Variants in MITF observed in about 807,000 individuals in gnomAD.
MITF encodes the protein microphthalmia-associated transcription factor.
MITF carries 17 observed loss-of-function variants against 60.5 expected under a neutral mutation model. That is an observed-to-expected ratio of 0.28 (90% CI 0.19 to 0.42). The LOEUF (loss-of-function observed/expected upper bound fraction) is 0.42. MITF is among the 10% of genes least tolerant of loss of function. MITF has a pLI of 1.00. For missense variants in MITF, 622 were observed against 683.5 expected (o/e 0.91, Z 1.00); for synonymous variants, 260 against 248.5 (o/e 1.05, Z -0.43).
intron 9 of MITF, among the ~76,000 whole-genome samples, chr3:69,963,365 C>T (rs1439217429): frequency 1.3e-5 from 2 of 152,176 alleles, no homozygotes; most frequent in African/African-American, 2.4e-5. Context: ...CTTTTGCTAT[C>T]ACTACCCAAA....
At chr3:69,831,318 A>T (rs9819504) in intron 1 of MITF, among the ~76,000 whole-genome samples, 2 of 151,888 alleles carry the variant, frequency 1.3e-5, no homozygotes, top group Non-Finnish European at 2.9e-5. Flanking sequence ...AAAATCCTCG[A>T]CAGGGTTAAG....
At chr3:69,797,270 C>A (rs536835949) in intron 1 of MITF, among the ~76,000 whole-genome samples, 2 of 151,836 alleles carry the variant, frequency 1.3e-5, no homozygotes, top group African/African-American at 2.4e-5. Flanking sequence ...AGTTTTTTAA[C>A]CTGTGTTCTC....
At chr3:69,881,057 A>G (rs1487193644) in intron 2 of MITF, among the ~76,000 whole-genome samples, 2 of 152,072 alleles carry the variant, frequency 1.3e-5, no homozygotes, top group Non-Finnish European at 2.9e-5. Flanking sequence ...TGCTTTTGTC[A>G]CTGTAAATAT....
At chr3:69,749,973 T>G (rs923645861) in intron 1 of MITF, among the ~76,000 whole-genome samples, 2 of 152,206 alleles carry the variant, frequency 1.3e-5, no homozygotes, top group Non-Finnish European at 2.9e-5. Flanking sequence ...AAATTGTTGA[T>G]TCAGCAGTGA....
In MITF at chr3:69,967,865, C is replaced by G. The variant is rs2066729032; in HGVS notation, c.*2617C>G. The G allele has an allele frequency of 4.3e-6, 1 of 233,214 alleles. No homozygotes were observed. Among genetic ancestry groups the G allele is most frequent in the African/African-American group, 2.2e-5 (1 of 45,314 alleles). The allele number at this position is 233,214 out of a possible 1,614,324, so 14.4% of individuals were successfully genotyped here. A position where few individuals can be genotyped will look rare whatever the true frequency, so the allele number is the denominator to read the frequency against. On this transcript the variant is annotated 3_prime_UTR_variant, in exon 10 of 10. Coordinates refer to ENST00000352241, the MANE Select transcript of MITF (RefSeq NM_001354604.2). ...GCAGAATTGTAACTCGGGGTTGGGC[C>G]TCTATATGGAGTGACCAAAATGCCA...
At position 69,943,912 on chromosome 3, in the gene MITF, G is replaced by T. The variant is rs558027027; in HGVS notation, c.762+2581G>T. 2.0e-5 allele frequency among the ~76,000 whole-genome samples: 3 copies of T among 152,134 alleles called. No homozygotes were observed. In the South Asian group the frequency reaches 6.2e-4, roughly 32 times the overall value. On this transcript the variant is annotated intron_variant, in intron 5 of 9. Transcript: ENST00000352241. ...TGGAGATCAGCCTAGGCAACTTAGA[G>T]AGAATCCGTCTCTGTAAAAATGTAA...
At chr3:69,861,216 ATCCT>A (rs1011708174) in intron 1 of MITF, among the ~76,000 whole-genome samples, 2 of 152,180 alleles carry the variant, frequency 1.3e-5, no homozygotes, top group African/African-American at 2.4e-5. Context: ...TACTTCATAG[ATCCT>A]TCCTTATCTG....
intron 1 of MITF, among the ~76,000 whole-genome samples, chr3:69,870,292 T>TTATATA (rs199801058): frequency 1.3e-5 from 2 of 148,990 alleles, no homozygotes; most frequent in African/African-American, 4.9e-5. Flanking sequence ...GTGTGTGTGT[T>TTATATA]TATATATATA....
At chr3:69,814,284 A>G (rs1372615807) in intron 1 of MITF, among the ~76,000 whole-genome samples, 1 of 152,108 alleles carries the variant, frequency 6.6e-6, no homozygotes, top group African/African-American at 2.4e-5. Context: ...ATAAGGAACA[A>G]CTTAAGTATT....
At chr3:69,859,094 C>T (rs967224300) in intron 1 of MITF, among the ~76,000 whole-genome samples, 3 of 152,154 alleles carry the variant, frequency 2.0e-5, no homozygotes, top group African/African-American at 2.4e-5. Flanking sequence ...AACTAGGATA[C>T]GAAGGGTGGT....
chr3:69,898,944 T>C (rs1334406691), intron 2 of MITF, among the ~76,000 whole-genome samples: 2 of 152,164 alleles, frequency 1.3e-5, no homozygotes, highest in Non-Finnish European at 2.9e-5. Flanking sequence ...AGATCCTTGT[T>C]CTCCTGGGGC....
chr3:69,743,410 C>T (rs1703605797), intron 1 of MITF, among the ~76,000 whole-genome samples: 2 of 152,070 alleles, frequency 1.3e-5, no homozygotes, highest in Non-Finnish European at 2.9e-5. Flanking sequence ...AAATAGATAC[C>T]TACTAGGCTT....
intron 2 of MITF, among the ~76,000 whole-genome samples, chr3:69,927,334 A>G (rs534602441): frequency 2.0e-5 from 3 of 152,238 alleles, no homozygotes; most frequent in African/African-American, 7.2e-5. Context: ...ACACATGGAC[A>G]CAGGGAGGGG....
chr3:69,775,371 G>T (rs1003380743), intron 1 of MITF, among the ~76,000 whole-genome samples: 1 of 152,162 alleles, frequency 6.6e-6, no homozygotes, highest in African/African-American at 2.4e-5. Flanking sequence ...GTCTCTGCCT[G>T]TCTCAGCTGA....
chr3:69,764,443 A>G (rs1290144136), intron 1 of MITF, among the ~76,000 whole-genome samples: 1 of 152,190 alleles, frequency 6.6e-6, no homozygotes, highest in Non-Finnish European at 1.5e-5. Context: ...TTTCTTGACT[A>G]ATTATTGTCT....
chr3:69,826,781 T>C (rs1205670025), intron 1 of MITF, among the ~76,000 whole-genome samples: 2 of 152,232 alleles, frequency 1.3e-5, no homozygotes, highest in Non-Finnish European at 2.9e-5. Flanking sequence ...CTGCCATTAC[T>C]TTTTAAATTA....
At chr3:69,883,743 CAGTT>C (rs960657984) in intron 2 of MITF, among the ~76,000 whole-genome samples, 3 of 152,110 alleles carry the variant, frequency 2.0e-5, no homozygotes, top group African/African-American at 7.2e-5. Flanking sequence ...TTTGTCCCCT[CAGTT>C]AGGGGATCTG....
intron 2 of MITF, 97 bp from the exon 3 acceptor site, chr3:69,937,725 G>A: frequency 1.0e-6 from 1 of 957,920 alleles, no homozygotes; most frequent in Admixed American, 2.0e-5. Context: ...TATTCTGTTG[G>A]TGGCCTGGTC....
At chr3:69,894,032 T>G (rs973860998) in intron 2 of MITF, among the ~76,000 whole-genome samples, 1 of 152,244 alleles carries the variant, frequency 6.6e-6, no homozygotes, top group African/African-American at 2.4e-5. Flanking sequence ...AAATGTTTCT[T>G]GATTCTGAAA....
Sources: allele counts gnomAD v4.1 joint callset (sites outside exome capture counted in the v4.1 genomes callset), GRCh38; gene constraint gnomAD v4.1.1; transcripts MANE v1.5; gene names NCBI Gene and HGNC (gene_info 2026-07-23, HGNC 2026-07-21).